The following PSMA5 variants were observed in gnomAD, a reference collection of about 807,000 sequenced individuals.
The protein encoded by PSMA5 is proteasome subunit alpha type-5.
Under a neutral mutation model 34.5 loss-of-function variants are expected in PSMA5, and 3 were observed. That is an observed-to-expected ratio of 0.09 (90% CI 0.04 to 0.22). The LOEUF (loss-of-function observed/expected upper bound fraction) is 0.22, where lower values mean the gene tolerates loss of function less well. PSMA5 is among the 10% of genes least tolerant of loss of function. PSMA5 has a pLI of 1.00. For missense variants in PSMA5, 120 were observed against 286.1 expected (o/e 0.42, Z 4.19); for synonymous variants, 88 against 95.8 (o/e 0.92, Z 0.47).
chr1:109,411,569 T>TATAC (rs1303802845), intron 6 of PSMA5, among the ~76,000 whole-genome samples: 1 of 152,078 alleles, frequency 6.6e-6, no homozygotes, highest in Non-Finnish European at 1.5e-5. Flanking sequence ...TATATATGTA[T>TATAC]ATACATACAC....
chr1:109,421,783 C>T lies in PSMA5; in HGVS notation c.96+77G>A, dbSNP rs533872373. ...ATTTTCTAAAGGAATGGTTAAACCA[C>T]ATTTACTCCAAGTGTTCTGCCAGCA... On this transcript the variant is annotated intron_variant, in intron 2 of 8. Transcript: ENST00000271308. The T allele has an allele frequency of 6.2e-5, 73 of 1,181,456 alleles. No homozygotes were observed. In the African/African-American group the frequency reaches 1.1e-3, roughly 18 times the overall value. 73.2% of individuals were successfully genotyped at this position (1,181,456 alleles called of 1,614,324 possible). A position where few individuals can be genotyped will look rare whatever the true frequency, so the allele number is the denominator to read the frequency against.
intron 1 of PSMA5, among the ~76,000 whole-genome samples, chr1:109,422,536 G>T (rs1028223034): frequency 6.7e-6 from 1 of 148,258 alleles, no homozygotes; most frequent in Admixed American, 6.8e-5. Context: ...AGGCGGGTGC[G>T]ATCTCAGCTC....
chr1:109,420,412 G>C (rs1320050926), intron 2 of PSMA5, among the ~76,000 whole-genome samples: 1 of 152,144 alleles, frequency 6.6e-6, no homozygotes. Context: ...GAGATATGGA[G>C]GTACAGTCCT....
rs1557841437 is a variant in PSMA5, at chr1:109,411,878, G to T, written c.457C>A (p.Leu153Met). 3.7e-6 allele frequency: 6 copies of T among 1,611,432 alleles called. 1 individual carries two copies. The South Asian group carries it at 6.6e-5, about 18-fold the overall frequency. ...GGAAAATTACAAAATGGTACTTACA[G>T]CTGGGGTCCTTTCTCATCAACTCCT... ...FGGVDEKGPQ[L>M]FHMDPSGTFV... The change falls in exon 6 of 9, where the codon CTG (leucine) becomes ATG (methionine). Residue 153 changes from leucine (L) to methionine (M), a missense_variant and splice_region_variant. Leu to Met is a conservative substitution (Grantham distance 15). Around this residue, in one of 3 missense-constraint regions of PSMA5, gnomAD observed 83 missense variants for 203.2 expected, o/e 0.41. Transcript: ENST00000271308.
intron 2 of PSMA5, among the ~76,000 whole-genome samples, chr1:109,421,011 T>C (rs1320746797): frequency 8.5e-6 from 1 of 118,314 alleles, no homozygotes; most frequent in African/African-American, 3.4e-5. Flanking sequence ...CAAGACCACA[T>C]CTCTACCAAA....
chr1:109,407,846 T>C (rs1042288644), intron 8 of PSMA5, among the ~76,000 whole-genome samples: 3 of 152,124 alleles, frequency 2.0e-5, no homozygotes, highest in Non-Finnish European at 4.4e-5. Context: ...GGTTTCACTA[T>C]GTTGGCCAGG....
In PSMA5 at chr1:109,399,140, T is replaced by A. The variant is rs1262165551; in HGVS notation, c.*2873A>T. On this transcript the variant is annotated 3_prime_UTR_variant, in exon 9 of 9. Coordinates refer to ENST00000271308, the MANE Select transcript of PSMA5 (RefSeq NM_002790.4). ...GATACAATGCACCCAACCCGATATT[T>A]ACATTAAAATATTTCCAGTCACATT... 1 of 152,236 alleles carries A rather than the reference T, an allele frequency of 6.6e-6. No individual in the cohort carries two copies. The highest frequency in any genetic ancestry group is 1.5e-5 in the Non-Finnish European group (1 of 68,044). The allele number at this position is 152,236 out of a possible 1,614,324, so 9.4% of individuals were successfully genotyped here.
intron 2 of PSMA5, among the ~76,000 whole-genome samples, chr1:109,419,124 G>A (rs1015968857): frequency 2.0e-5 from 3 of 152,154 alleles, no homozygotes; most frequent in Non-Finnish European, 4.4e-5. Context: ...TTGCACTCCA[G>A]CCTGGGCAAC....
chr1:109,411,761 A>C, intron 6 of PSMA5, 116 bp downstream of exon 6: 1 of 991,198 alleles, frequency 1.0e-6, no homozygotes, highest in Non-Finnish European at 1.5e-6. Context: ...AGTAGCTGGG[A>C]CTACAGGTGT....
intron 8 of PSMA5, among the ~76,000 whole-genome samples, chr1:109,403,809 G>C (rs1038403379): frequency 1.3e-5 from 2 of 151,972 alleles, no homozygotes; most frequent in African/African-American, 4.8e-5. Flanking sequence ...AAAGACTGCT[G>C]CAAGTCTTAA....
chr1:109,403,407 T>C (rs1653613668), intron 8 of PSMA5, among the ~76,000 whole-genome samples: 1 of 151,866 alleles, frequency 6.6e-6, no homozygotes, highest in Non-Finnish European at 1.5e-5. Flanking sequence ...GAGGATCACT[T>C]GAGCCCGAGA....
chr1:109,422,036 T>C, intron 1 of PSMA5, 110 bp from the exon 2 acceptor site: 1 of 613,368 alleles, frequency 1.6e-6, no homozygotes, highest in Non-Finnish European at 2.6e-6. Context: ...ACGCACATTG[T>C]CATTATTCTC....
chr1:109,421,794 AG>A, intron 2 of PSMA5, 65 bp downstream of exon 2: 3 of 1,288,456 alleles, frequency 2.3e-6, no homozygotes, highest in Non-Finnish European at 3.3e-6. Context: ...ATTTACTCCA[AG>A]TGTTCTGCCA....
chr1:109,400,750 T>C lies in PSMA5; in HGVS notation c.*1263A>G, dbSNP rs377566598. The C allele has an allele frequency of 7.2e-5, 11 of 152,366 alleles. No homozygotes were observed. In the East Asian group the frequency reaches 1.5e-3, roughly 21 times the overall value. The allele number at this position is 152,366 out of a possible 1,614,324, so 9.4% of individuals were successfully genotyped here. A position where few individuals can be genotyped will look rare whatever the true frequency, so the allele number is the denominator to read the frequency against. ...GTATGGATTTAGTATGAATTCAGCCTATCCAAATAGTCATAATTTATTAAC... is the reference window on the plus strand; with the variant it reads ...GTATGGATTTAGTATGAATTCAGCCCATCCAAATAGTCATAATTTATTAAC... On this transcript the variant is annotated 3_prime_UTR_variant, in exon 9 of 9. Coordinates refer to ENST00000271308, the MANE Select transcript of PSMA5 (RefSeq NM_002790.4).
In PSMA5 at chr1:109,421,824, A is replaced by AT. The variant is rs762197150; in HGVS notation, c.96+35dup. On this transcript the variant is annotated intron_variant, in intron 2 of 8. Coordinates refer to ENST00000271308, the MANE Select transcript of PSMA5 (RefSeq NM_002790.4). Reference sequence around the variant, plus strand: ...TCTGCCAGCAAAATGTTAGGTAGCCATGAAATTTCAGGACCTATGCTACTT... The same window carrying AT: ...TCTGCCAGCAAAATGTTAGGTAGCCATTGAAATTTCAGGACCTATGCTACTT... The AT allele has an allele frequency of 4.7e-6, 7 of 1,500,474 alleles. No homozygotes were observed. In the South Asian group the frequency reaches 9.0e-5, roughly 19 times the overall value. The allele number at this position is 1,500,474 out of a possible 1,614,324, so 92.9% of individuals were successfully genotyped here. A position where few individuals can be genotyped will look rare whatever the true frequency, so the allele number is the denominator to read the frequency against.
chr1:109,424,605 G>C (rs891093985), intron 1 of PSMA5, among the ~76,000 whole-genome samples: 7 of 152,014 alleles, frequency 4.6e-5, no homozygotes, highest in Non-Finnish European at 1.0e-4. Context: ...AGGAAACCCT[G>C]TCTCTACTAA....
intron 2 of PSMA5, among the ~76,000 whole-genome samples, chr1:109,421,030 A>AG (rs1169879965): frequency 2.6e-5 from 4 of 151,540 alleles, no homozygotes; most frequent in African/African-American, 9.7e-5. Flanking sequence ...AAAAAAAAAA[A>AG]AAAAAAAAAT....
At chr1:109,423,048 C>T (rs1324261221) in intron 1 of PSMA5, among the ~76,000 whole-genome samples, 1 of 152,220 alleles carries the variant, frequency 6.6e-6, no homozygotes, top group African/African-American at 2.4e-5. Context: ...AAGCTTTGAG[C>T]ACACAATGGA....
At chr1:109,411,839 T>C (rs1450860105) in intron 6 of PSMA5, 38 bp downstream of exon 6, 1 of 1,564,104 alleles carries the variant, frequency 6.4e-7, no homozygotes, top group Non-Finnish European at 8.8e-7. Context: ...AATAATTCCC[T>C]GCAAAAGCAT....
Sources: allele counts gnomAD v4.1 joint callset (sites outside exome capture counted in the v4.1 genomes callset), GRCh38; gene constraint gnomAD v4.1.1; regional missense constraint gnomAD v4.1.1; transcripts MANE v1.5; gene names NCBI Gene and HGNC (gene_info 2026-07-23, HGNC 2026-07-21).